PLCL1: variants seen among roughly 807,000 people sequenced by gnomAD.
PLCL1 encodes inactive phospholipase C-like protein 1.
A neutral mutation model predicts 84.4 loss-of-function variants in PLCL1; 41 were observed. That is an observed-to-expected ratio of 0.49 (90% CI 0.38 to 0.63). The LOEUF (loss-of-function observed/expected upper bound fraction) is 0.63, where lower values mean the gene tolerates loss of function less well. PLCL1 is among the 30% of genes least tolerant of loss of function. The pLI, the probability that PLCL1 is intolerant of heterozygous loss-of-function variation, is 0.00. For synonymous variants in PLCL1, 490 were observed against 488.3 expected (o/e 1.00, Z -0.05); for missense variants, 1,206 against 1,367.8 (o/e 0.88, Z 1.87).
At chr2:198,019,600 C>G (rs1691084746) in intron 1 of PLCL1, among the ~76,000 whole-genome samples, 1 of 152,032 alleles carries the variant, frequency 6.6e-6, no homozygotes, top group Non-Finnish European at 1.5e-5. Context: ...ACACAAGTAT[C>G]AATAGCTGAA....
At chr2:198,077,207 G>A (rs1313104782) in intron 1 of PLCL1, among the ~76,000 whole-genome samples, 1 of 152,008 alleles carries the variant, frequency 6.6e-6, no homozygotes, top group Non-Finnish European at 1.5e-5. Context: ...GTCTTGTCAT[G>A]GCAGCAGTTT....
intron 1 of PLCL1, among the ~76,000 whole-genome samples, chr2:198,074,048 A>G (rs1311016966): frequency 2.0e-5 from 3 of 152,208 alleles, no homozygotes; most frequent in African/African-American, 7.2e-5. Context: ...TGTATATATT[A>G]CTGTACAGTA....
chr2:197,820,842 A>G (rs1690800841), intron 1 of PLCL1, among the ~76,000 whole-genome samples: 1 of 152,136 alleles, frequency 6.6e-6, no homozygotes, highest in African/African-American at 2.4e-5. Flanking sequence ...CTTTTAAAGA[A>G]TTTGCTTTTT....
intron 1 of PLCL1, among the ~76,000 whole-genome samples, chr2:197,951,203 C>T (rs1298835887): frequency 1.3e-5 from 2 of 152,146 alleles, no homozygotes; most frequent in Non-Finnish European, 2.9e-5. Context: ...CCATACTTAT[C>T]TCTGAAATAA....
At position 197,985,019 on chromosome 2, in the gene PLCL1, T is replaced by G. The variant is rs560562747; in HGVS notation, c.241-98739T>G. ...GCAGTGGTGCGATCATTATGTACAT[T>G]TTTTAATGCAAGTTTAATGAGTATC... On this transcript the variant is annotated intron_variant, in intron 1 of 5. Transcript: ENST00000428675. Among the ~76,000 whole-genome samples the G allele has an allele frequency of 7.2e-5, 11 of 152,128 alleles. No individual in the cohort carries two copies. In the South Asian group the frequency reaches 2.3e-3, roughly 31 times the overall value.
intron 1 of PLCL1, among the ~76,000 whole-genome samples, chr2:198,042,396 C>G (rs1041296097): frequency 1.3e-5 from 2 of 152,142 alleles, no homozygotes; most frequent in Admixed American, 6.6e-5. Flanking sequence ...AAAGGTTAAT[C>G]TGCAATAGCA....
At chr2:198,083,697 G>A (rs1692778503) in intron 1 of PLCL1, 61 bp from the exon 2 acceptor site, 2 of 1,089,508 alleles carry the variant, frequency 1.8e-6, no homozygotes, top group Non-Finnish European at 1.3e-6. Flanking sequence ...TTCATAGAGT[G>A]TTACTGAATT....
chr2:197,952,855 T>C (rs927868474), intron 1 of PLCL1, among the ~76,000 whole-genome samples: 3 of 152,116 alleles, frequency 2.0e-5, no homozygotes, highest in Non-Finnish European at 4.4e-5. Flanking sequence ...ATGTAAGGTA[T>C]GCCTTTCACC....
chr2:197,975,147 C>CAAAA (rs71015804), intron 1 of PLCL1, among the ~76,000 whole-genome samples: 4 of 19,902 alleles, frequency 2.0e-4, no homozygotes, highest in East Asian at 2.0e-3. Flanking sequence ...GACTCCATCT[C>CAAAA]AAAAAAAAAA....
chr2:197,886,029 C>G (rs1009993222), intron 1 of PLCL1, among the ~76,000 whole-genome samples: 1 of 152,152 alleles, frequency 6.6e-6, no homozygotes, highest in Admixed American at 6.5e-5. Flanking sequence ...GTATCTGATT[C>G]CAGTTCTTTT....
At chr2:198,142,177 C>T (rs761270210) in intron 5 of PLCL1, among the ~76,000 whole-genome samples, 4 of 152,016 alleles carry the variant, frequency 2.6e-5, no homozygotes, top group African/African-American at 4.8e-5. Flanking sequence ...ATGGAAGTAA[C>T]AGAAATCCTA....
At chr2:197,907,857 T>A (rs1228749917) in intron 1 of PLCL1, among the ~76,000 whole-genome samples, 2 of 152,212 alleles carry the variant, frequency 1.3e-5, no homozygotes, top group African/African-American at 4.8e-5. Context: ...CACAGAGATT[T>A]GTATTTAATT....
chr2:197,882,604 T>A (rs943397313), intron 1 of PLCL1, among the ~76,000 whole-genome samples: 1 of 152,176 alleles, frequency 6.6e-6, no homozygotes, highest in Non-Finnish European at 1.5e-5. Context: ...AAAGTATGCA[T>A]ACTTACTTTG....
intron 1 of PLCL1, among the ~76,000 whole-genome samples, chr2:197,834,719 A>G (rs892241939): frequency 2.0e-5 from 3 of 152,212 alleles, no homozygotes; most frequent in Admixed American, 6.5e-5. Flanking sequence ...AATTAGTTCA[A>G]CCATTGTGGA....
intron 1 of PLCL1, among the ~76,000 whole-genome samples, chr2:198,031,780 T>C (rs1691431879): frequency 6.6e-6 from 1 of 152,058 alleles, no homozygotes; most frequent in Non-Finnish European, 1.5e-5. Flanking sequence ...GAATGTTTTT[T>C]ATTTCATGGG....
chr2:198,013,677 A>T (rs1473633903), intron 1 of PLCL1, among the ~76,000 whole-genome samples: 2 of 152,166 alleles, frequency 1.3e-5, no homozygotes, highest in Admixed American at 1.3e-4. Context: ...ATAGACAAAC[A>T]TATAAGAAAG....
At chr2:197,837,852 G>T (rs1382431441) in intron 1 of PLCL1, among the ~76,000 whole-genome samples, 1 of 152,174 alleles carries the variant, frequency 6.6e-6, no homozygotes, top group Non-Finnish European at 1.5e-5. Flanking sequence ...AGAATATTAT[G>T]CAATTTAGCA....
At chr2:197,955,044 G>A (rs1689458290) in intron 1 of PLCL1, among the ~76,000 whole-genome samples, 1 of 151,964 alleles carries the variant, frequency 6.6e-6, no homozygotes, top group Non-Finnish European at 1.5e-5. Context: ...ATCAGAATAT[G>A]CTACATTTTA....
intron 1 of PLCL1, among the ~76,000 whole-genome samples, chr2:197,878,641 G>C (rs1168151056): frequency 1.3e-5 from 2 of 152,094 alleles, no homozygotes; most frequent in Non-Finnish European, 2.9e-5. Context: ...GTGTGTGTGT[G>C]CATGTGTGTG....
Sources: gnomAD v4.1 joint callset for allele counts (sites outside exome capture counted in the v4.1 genomes callset) on GRCh38, gnomAD v4.1.1 for gene constraint, MANE v1.5 for transcripts, NCBI Gene and HGNC (gene_info 2026-07-23, HGNC 2026-07-21) for gene names.